The following ADAMTS15 variants were observed in gnomAD, a reference collection of about 807,000 sequenced individuals.
ADAMTS15 encodes A disintegrin and metalloproteinase with thrombospondin motifs 15.
A neutral mutation model predicts 79.1 loss-of-function variants in ADAMTS15; 35 were observed. The ratio of observed to expected loss-of-function variants is 0.44; its 90% confidence interval spans 0.34 to 0.59. The LOEUF is 0.59. Among genes scored for constraint, ADAMTS15 ranks in the 20% least tolerant of loss-of-function variants. The pLI is 0.02. For synonymous variants in ADAMTS15, 616 were observed against 567.3 expected, an observed-to-expected ratio of 1.09 and a Z score of -1.22; for missense variants, 1,324 against 1,318.7, an observed-to-expected ratio of 1.00 and a Z score of -0.06.
rs1938144090 is a variant in ADAMTS15 at position 130,458,945 on chromosome 11, C to CCA, written c.958-2541_958-2540dup. The stretch of plus-strand genomic sequence containing the variant: ...CCTGCCCTCATCTTGGCTCCCTTCC[C>CCA]CACAGTTCACACGCTGATCCATGTT... On this transcript the variant is annotated intron_variant, in intron 1 of 7. Coordinates refer to ENST00000299164, the MANE Select transcript of ADAMTS15 (RefSeq NM_139055.4). Among the ~76,000 whole-genome samples, 10 of 152,268 alleles carry CCA rather than the reference C, an allele frequency of 6.6e-5. No individual in the cohort carries two copies. The South Asian group carries it at 2.1e-3, about 32-fold the overall frequency.
rs761963740 is a variant in ADAMTS15, at chr11:130,449,393, C to G, written c.420C>G (p.Pro140=). 1 of 1,601,380 alleles carries G rather than the reference C, an allele frequency of 6.2e-7. No individual in the cohort carries two copies. The highest frequency in any genetic ancestry group is 1.3e-5 in the African/African-American group (1 of 75,010). Residue 140 remains proline, a synonymous_variant, in exon 1 of 8, where the codon CCC becomes CCG. Coordinates refer to ENST00000299164, the MANE Select transcript of ADAMTS15 (RefSeq NM_139055.4). This position sits in a 1 kb window ranked among gnomAD's most constrained non-coding sequence, Gnocchi z 7.8. ...CCGAGTATGTCATTAGCCCGCTGCC[C>G]AATGCTAGCGCGCCGGCGGCGCAGC... is the stretch of plus-strand genomic sequence containing the variant. ...RGAEYVISPL[P]NASAPAAQRN...
At chr11:130,470,049 A>G (rs1490827272) in intron 5 of ADAMTS15, among the ~76,000 whole-genome samples, 2 of 147,680 alleles carry the variant, frequency 1.4e-5, no homozygotes, top group Non-Finnish European at 3.0e-5. Context: ...GTTGTTGCAG[A>G]ATTTTCAAAA....
At chr11:130,450,442 C>T (rs1937940999) in intron 1 of ADAMTS15, 4 of 985,276 alleles carry the variant, frequency 4.1e-6, no homozygotes, top group Non-Finnish European at 4.8e-6. Flanking sequence ...CCTCTCTGTA[C>T]TGGGCCTGGA....
At chr11:130,471,488 G>C in intron 7 of ADAMTS15, 105 bp downstream of exon 7, 2 of 1,355,610 alleles carry the variant, frequency 1.5e-6, no homozygotes, top group Non-Finnish European at 2.0e-6. Context: ...GTCAGATCCA[G>C]CCAGTACCCT....
chr11:130,472,936 C>T lies in ADAMTS15; in HGVS notation c.2079-111C>T, dbSNP rs1158582294. 3 of 1,469,932 alleles carry T rather than the reference C, an allele frequency of 2.0e-6. No homozygotes were observed. Among genetic ancestry groups the T allele is most frequent in the East Asian group, 2.3e-5 (1 of 43,932 alleles). The allele number at this position is 1,469,932 out of a possible 1,614,324, so 91.1% of individuals were successfully genotyped here. On this transcript the variant is annotated intron_variant, in intron 7 of 7. Coordinates refer to ENST00000299164, the MANE Select transcript of ADAMTS15 (RefSeq NM_139055.4). The surrounding 1 kb of genome is among the most constrained non-coding windows in gnomAD (Gnocchi z 4.7). ...GACTCCAAAACCTGTGCTTTTACTC[C>T]CATGCCAGAATTCACCGAAAGCTAG...
Position 130,462,762 on chromosome 11 carries a change from C to T in ADAMTS15, c.1524C>T (p.His508=). ...TCAAAGGGGCCTGCGTGGAGAGACA[C>T]AACCTCAACAAGCACAGGGTGAGTG... ...LCLKGACVER[H]NLNKHRVDGS... Residue 508 remains histidine (H), a synonymous_variant, in exon 4 of 8, where the codon CAC becomes CAT. Coordinates refer to ENST00000299164, the MANE Select transcript of ADAMTS15 (RefSeq NM_139055.4). This position sits in a 1 kb window ranked among gnomAD's most constrained non-coding sequence, Gnocchi z 4.3. 1 of 1,593,664 alleles carries T rather than the reference C, an allele frequency of 6.3e-7. No individual in the cohort carries two copies.
At position 130,476,330 on chromosome 11, in the gene ADAMTS15, G is replaced by GCCCA; in HGVS notation, c.*2509_*2510insCCCA. On this transcript the variant is annotated 3_prime_UTR_variant, in exon 8 of 8. Coordinates refer to ENST00000299164, the MANE Select transcript of ADAMTS15 (RefSeq NM_139055.4). ...GCCTCCTCTGCCCATCGCGTGCACT[G>GCCCA]ATTGGAGGAGTCTGGCCCAAACACT... 1 of 152,344 alleles carries GCCCA rather than the reference G, an allele frequency of 6.6e-6. No homozygotes were observed. The highest frequency in any genetic ancestry group is 2.1e-4 in the South Asian group (1 of 4,824). The allele number at this position is 152,344 out of a possible 1,614,324, so 9.4% of individuals were successfully genotyped here. A position where few individuals can be genotyped will look rare whatever the true frequency, so the allele number is the denominator to read the frequency against.
chr11:130,471,500 G>A, intron 7 of ADAMTS15, 117 bp downstream of exon 7: 1 of 1,177,526 alleles, frequency 8.5e-7, no homozygotes. Context: ...CAGTACCCTT[G>A]CTGCAGAGGC....
intron 4 of ADAMTS15, among the ~76,000 whole-genome samples, chr11:130,467,873 C>A (rs1938334800): frequency 6.6e-6 from 1 of 151,856 alleles, no homozygotes; most frequent in Non-Finnish European, 1.5e-5. Context: ...TTATCTTTAT[C>A]TCTTCTTAAA....
intron 1 of ADAMTS15, among the ~76,000 whole-genome samples, chr11:130,458,742 C>G (rs1316887255): frequency 1.3e-5 from 2 of 152,220 alleles, no homozygotes; most frequent in Non-Finnish European, 2.9e-5. Flanking sequence ...TCTGCGCCCT[C>G]TCCCTCTTAC....
At chr11:130,456,029 A>G (rs1008222090) in intron 1 of ADAMTS15, among the ~76,000 whole-genome samples, 2 of 152,168 alleles carry the variant, frequency 1.3e-5, no homozygotes, top group Admixed American at 6.5e-5. Flanking sequence ...CTGGACTTCA[A>G]TCCTCACTCT....
At position 130,468,493 on chromosome 11, in the gene ADAMTS15, C is replaced by T. The variant is rs147099261; in HGVS notation, c.1543-769C>T. On this transcript the variant is annotated intron_variant, in intron 4 of 7. Coordinates refer to ENST00000299164, the MANE Select transcript of ADAMTS15 (RefSeq NM_139055.4). ...TAAAAATACAAAATAAGGCCGGGCG[C>T]GGTGGCTCAAGCCTGTAATCCCAGC... is the stretch of plus-strand genomic sequence containing the variant. 7.8e-3 allele frequency among the ~76,000 whole-genome samples: 1,183 copies of T among 151,856 alleles called. 10 individuals carry two copies. Among genetic ancestry groups the T allele is most frequent in the Middle Eastern group, 0.034 (10 of 294 alleles).
intron 6 of ADAMTS15, 46 bp downstream of exon 6, chr11:130,471,147 C>T (rs187131217): frequency 1.6e-4 from 248 of 1,593,034 alleles, no homozygotes; most frequent in African/African-American, 3.6e-4. Context: ...CCAGGTCTTC[C>T]GGGGAGCATC....
In ADAMTS15 at chr11:130,476,370, G is replaced by A. The variant is rs943950636; in HGVS notation, c.*2549G>A. The A allele has an allele frequency of 3.3e-5, 5 of 152,214 alleles. No individual in the cohort carries two copies. Among genetic ancestry groups the A allele is most frequent in the Non-Finnish European group, 5.9e-5 (4 of 68,118 alleles). The allele number at this position is 152,214 out of a possible 1,614,324, so 9.4% of individuals were successfully genotyped here. On this transcript the variant is annotated 3_prime_UTR_variant, in exon 8 of 8. Transcript: ENST00000299164. ...GCCCAAACACTCTCATATGAACCTC[G>A]ACATGCTGGAGTGGGGTCTGGCAGG...
rs1326577752 is a variant in ADAMTS15 at position 130,472,127 on chromosome 11, G to A, written c.2078+744G>A. On this transcript the variant is annotated intron_variant, in intron 7 of 7. Transcript: ENST00000299164. The surrounding 1 kb of genome is among the most constrained non-coding windows in gnomAD (Gnocchi z 4.7). ...CTGACCCACGTTCTAGAAGAAGAGG[G>A]GGTAGGCAGGGCACCTGAGGTCCCA... 6.6e-6 allele frequency among the ~76,000 whole-genome samples: 1 copy of A among 152,220 alleles called. No individual in the cohort carries two copies. The highest frequency in any genetic ancestry group is 1.9e-4 in the East Asian group (1 of 5,194).
chr11:130,456,121 G>C (rs1028926442), intron 1 of ADAMTS15, among the ~76,000 whole-genome samples: 1 of 152,160 alleles, frequency 6.6e-6, no homozygotes, highest in Non-Finnish European at 1.5e-5. Flanking sequence ...TCTTCTGTGC[G>C]ATGGGGCCTG....
chr11:130,452,390 G>A (rs1359490379), intron 1 of ADAMTS15, among the ~76,000 whole-genome samples: 1 of 152,188 alleles, frequency 6.6e-6, no homozygotes, highest in African/African-American at 2.4e-5. Flanking sequence ...CTGGAACCAG[G>A]ATCTGCGAAG....
Position 130,473,515 on chromosome 11 carries a change from G to A in ADAMTS15, c.2547G>A (p.Gly849=), listed in dbSNP as rs759877073. ...CACGCTGGGTGGCTGGCAGCTGGGGGCCGTGCTCCGCGAGCTGCGGCAGTG... is the reference window on the plus strand; with the variant it reads ...CACGCTGGGTGGCTGGCAGCTGGGGACCGTGCTCCGCGAGCTGCGGCAGTG... ...PPARWVAGSW[G]PCSASCGSGL... is the part of the protein sequence containing the mutation. The change falls in exon 8 of 8, where the codon GGG becomes GGA. Residue 849 remains glycine (G), a synonymous_variant. Coordinates refer to ENST00000299164, the MANE Select transcript of ADAMTS15 (RefSeq NM_139055.4). The A allele has an allele frequency of 2.0e-5, 32 of 1,609,088 alleles. No homozygotes were observed. The highest frequency in any genetic ancestry group is 2.6e-5 in the Non-Finnish European group (31 of 1,177,472).
At chr11:130,457,547 A>T (rs997454934) in intron 1 of ADAMTS15, among the ~76,000 whole-genome samples, 2 of 152,204 alleles carry the variant, frequency 1.3e-5, no homozygotes, top group African/African-American at 4.8e-5. Flanking sequence ...TTCCAGGATC[A>T]TCTGGAAAAG....
Sources: gnomAD v4.1 joint callset for allele counts (sites outside exome capture counted in the v4.1 genomes callset) on GRCh38, gnomAD v4.1.1 for gene constraint, Gnocchi (gnomAD v3.1) non-coding constraint, MANE v1.5 for transcripts, NCBI Gene and HGNC (gene_info 2026-07-23, HGNC 2026-07-21) for gene names.